Variants in PITPNB observed in about 807,000 individuals in gnomAD.
PITPNB encodes the protein phosphatidylinositol transfer protein beta, also known as phosphatidylinositol transfer protein beta isoform.
A neutral mutation model predicts 45.9 loss-of-function variants in PITPNB; 16 were observed. That is an observed-to-expected ratio of 0.35 (90% CI 0.24 to 0.53). The LOEUF (loss-of-function observed/expected upper bound fraction) is 0.53, where lower values mean the gene tolerates loss of function less well. Ranked by LOEUF, PITPNB falls within the 20% of genes least tolerant of loss-of-function variation. PITPNB has a pLI of 0.93. For missense variants in PITPNB, 188 were observed against 330.5 expected (o/e 0.57, Z 3.34); for synonymous variants, 112 against 108.9 (o/e 1.03, Z -0.18).
intron 2 of PITPNB, among the ~76,000 whole-genome samples, chr22:27,912,927 G>T (rs1037498955): frequency 7.1e-6 from 1 of 140,402 alleles, no homozygotes; most frequent in Admixed American, 7.6e-5. Context: ...AGGTTGCAGA[G>T]AGCTGAGATC....
intron 8 of PITPNB, among the ~76,000 whole-genome samples, chr22:27,871,266 T>C (rs73880344): frequency 0.022 from 3,377 of 152,330 alleles, 123 homozygotes; most frequent in African/African-American, 0.078. Context: ...TTTTGCTGCC[T>C]GTTATAAAAT....
At chr22:27,858,329 T>C (rs1192277680) in intron 10 of PITPNB, 58 bp downstream of exon 10, 5 of 1,325,156 alleles carry the variant, frequency 3.8e-6, no homozygotes, top group South Asian at 1.3e-5. Flanking sequence ...TTACCAAGCA[T>C]GTATACAGTT....
At chr22:27,890,982 G>A (rs533191373) in intron 7 of PITPNB, among the ~76,000 whole-genome samples, 31 of 152,340 alleles carry the variant, frequency 2.0e-4, no homozygotes, top group African/African-American at 7.2e-4. Flanking sequence ...ACAGGAGGCT[G>A]TGCGTTGCGT....
At chr22:27,861,770 AT>A (rs1934341417) in intron 8 of PITPNB, among the ~76,000 whole-genome samples, 1 of 152,200 alleles carries the variant, frequency 6.6e-6, no homozygotes, top group Admixed American at 6.5e-5. Flanking sequence ...AAGGGACATC[AT>A]CTTAGGACTG....
intron 8 of PITPNB, among the ~76,000 whole-genome samples, chr22:27,864,744 C>T (rs986261374): frequency 1.3e-5 from 2 of 152,060 alleles, no homozygotes; most frequent in African/African-American, 2.4e-5. Context: ...TCTAAATCAG[C>T]CTGGCCAACA....
intron 1 of PITPNB, among the ~76,000 whole-genome samples, chr22:27,916,857 A>T (rs1442584622): frequency 6.6e-6 from 1 of 152,222 alleles, no homozygotes; most frequent in Non-Finnish European, 1.5e-5. Flanking sequence ...TTGCCAAAGT[A>T]TTTTAGTTAC....
At chr22:27,894,706 T>A in intron 6 of PITPNB, 68 bp from the exon 7 acceptor site, 2 of 880,446 alleles carry the variant, frequency 2.3e-6, no homozygotes, top group East Asian at 2.4e-5. Flanking sequence ...ACACATATAA[T>A]CTTTATCTTG....
At chr22:27,903,707 T>G (rs1935676253) in intron 3 of PITPNB, among the ~76,000 whole-genome samples, 1 of 144,900 alleles carries the variant, frequency 6.9e-6, no homozygotes, top group Admixed American at 7.1e-5. Context: ...GCCCAGGAGT[T>G]CAAGGCTACA....
At chr22:27,886,968 A>T (rs1181002791) in intron 7 of PITPNB, among the ~76,000 whole-genome samples, 1 of 152,216 alleles carries the variant, frequency 6.6e-6, no homozygotes, top group African/African-American at 2.4e-5. Flanking sequence ...CTGAGACAAA[A>T]ATCTCCAGGA....
chr22:27,873,068 G>A (rs1210002724), intron 8 of PITPNB, among the ~76,000 whole-genome samples: 6 of 152,194 alleles, frequency 3.9e-5, no homozygotes. Flanking sequence ...GGGAGTTCGA[G>A]ACCAGCCTGA....
intron 8 of PITPNB, among the ~76,000 whole-genome samples, chr22:27,863,448 T>C (rs1934396487): frequency 6.6e-6 from 1 of 152,226 alleles, no homozygotes; most frequent in African/African-American, 2.4e-5. Flanking sequence ...TTCTGTAATA[T>C]GCCTGGGCTT....
At chr22:27,908,476 G>T (rs1001332592) in intron 3 of PITPNB, among the ~76,000 whole-genome samples, 10 of 151,418 alleles carry the variant, frequency 6.6e-5, no homozygotes, top group African/African-American at 2.4e-4. Flanking sequence ...AGGACATTTT[G>T]AATCTATTTC....
At chr22:27,874,398 G>A (rs1425294914) in intron 7 of PITPNB, among the ~76,000 whole-genome samples, 2 of 152,144 alleles carry the variant, frequency 1.3e-5, no homozygotes, top group Admixed American at 1.3e-4. Context: ...CCTCATAGAA[G>A]GACTGCACTC....
At chr22:27,862,868 TA>T (rs1248215266) in intron 8 of PITPNB, among the ~76,000 whole-genome samples, 1 of 152,208 alleles carries the variant, frequency 6.6e-6, no homozygotes, top group Admixed American at 6.5e-5. Context: ...TGGCTTGGGC[TA>T]AAATCAAATA....
rs1043933182 is a variant in PITPNB, at chr22:27,853,630, C to T, written c.*72G>A. On this transcript the variant is annotated 3_prime_UTR_variant, in exon 12 of 12. Coordinates refer to ENST00000335272, the MANE Select transcript of PITPNB (RefSeq NM_012399.5). ...ATTCTTCTTCACTCATCACTGGCTG[C>T]GCTTGTTCCCCTCACTTGACCTTGA... The T allele has an allele frequency of 4.5e-6, 7 of 1,550,780 alleles. No homozygotes were observed. The highest frequency in any genetic ancestry group is 2.4e-5 in the East Asian group (1 of 40,922).
chr22:27,863,245 A>G (rs529830548), intron 8 of PITPNB, among the ~76,000 whole-genome samples: 8 of 152,192 alleles, frequency 5.3e-5, no homozygotes, highest in African/African-American at 1.9e-4. Context: ...TCTGGGCCTC[A>G]TTTCTCCCTC....
At chr22:27,888,141 T>C (rs186761178) in intron 7 of PITPNB, among the ~76,000 whole-genome samples, 137 of 152,296 alleles carry the variant, frequency 9.0e-4, no homozygotes, top group African/African-American at 3.1e-3. Context: ...CATACTTCTT[T>C]GTCTTTCTCC....
In PITPNB at chr22:27,880,255, A is replaced by G. The variant is rs1265231078; in HGVS notation, c.457-6440T>C. ...GAAAAAATGTGATTTACATTCTACC[A>G]TTTGATTAGACTCAAGTACCTGAAG... On this transcript the variant is annotated intron_variant, in intron 7 of 11. Transcript: ENST00000335272. Among the ~76,000 whole-genome samples the G allele has an allele frequency of 2.0e-5, 3 of 152,176 alleles. No homozygotes were observed. In the East Asian group the frequency reaches 5.8e-4, roughly 29 times the overall value.
At chr22:27,870,689 CCCTCAGTGCCT>C (rs1198215224) in intron 8 of PITPNB, among the ~76,000 whole-genome samples, 2 of 152,184 alleles carry the variant, frequency 1.3e-5, no homozygotes. Flanking sequence ...CCCAGTGCTA[CCCTCAGTGCCT>C]CCACCAGGAC....
Sources: allele counts gnomAD v4.1 joint callset (sites outside exome capture counted in the v4.1 genomes callset), GRCh38; gene constraint gnomAD v4.1.1; transcripts MANE v1.5; gene names NCBI Gene and HGNC (gene_info 2026-07-23, HGNC 2026-07-21).